The following ING4 variants were observed in gnomAD, a reference collection of about 807,000 sequenced individuals.
ING4 encodes the protein inhibitor of growth protein 4.
In ING4, 28 loss-of-function variants were observed where a neutral mutation model predicts 33.1. The observed-to-expected ratio is 0.85, with a 90% CI of 0.63 to 1.16. The LOEUF (loss-of-function observed/expected upper bound fraction) is 1.16. ING4 is among the 50% of genes most tolerant of loss of function. The pLI is 0.00. For missense variants in ING4, 247 were observed against 314.7 expected, an observed-to-expected ratio of 0.78 and a Z score of 1.63; for synonymous variants, 87 against 104.4, an observed-to-expected ratio of 0.83 and a Z score of 1.02.
chr12:6,656,363 A>G, intron 2 of ING4: 1 of 240,438 alleles, frequency 4.2e-6, no homozygotes, highest in Non-Finnish European at 8.0e-6. Flanking sequence ...TTTAGTAGAG[A>G]TGGGGTTTCA....
intron 2 of ING4, among the ~76,000 whole-genome samples, chr12:6,656,155 ACTTT>A (rs1949344727): frequency 2.0e-5 from 3 of 150,816 alleles, no homozygotes; most frequent in South Asian, 2.1e-4. Flanking sequence ...ACTCGAGTTG[ACTTT>A]CTTTAATTCT....
intron 5 of ING4, 75 bp from the exon 6 acceptor site, chr12:6,652,493 G>A: frequency 2.0e-6 from 3 of 1,526,208 alleles, no homozygotes; most frequent in Non-Finnish European, 2.7e-6. Context: ...GAGGTGGCAG[G>A]AGATCCTGGT....
intron 1 of ING4, 125 bp downstream of exon 1, chr12:6,662,940 C>T: frequency 2.8e-6 from 3 of 1,052,780 alleles, no homozygotes; most frequent in East Asian, 2.6e-5. Flanking sequence ...TCCAATATTT[C>T]CTGCCACAGA....
intron 1 of ING4, chr12:6,657,732 C>G (rs887030813): frequency 1.3e-5 from 2 of 151,636 alleles, no homozygotes; most frequent in African/African-American, 4.8e-5. Context: ...GAGTTCGAGA[C>G]CAGCCTGGCC....
rs1227826385 is a variant in ING4, at chr12:6,651,333, C to G, written c.698G>C (p.Arg233Pro). Reference sequence around the variant, plus strand: ...AACTCCTGCCACTTACCATTTCCCCCGAGGCTTGGTTGTCAGCCCCACACA... The same window carrying G: ...AACTCCTGCCACTTACCATTTCCCCGGAGGCTTGGTTGTCAGCCCCACACA... ...FACVGLTTKP[R>P]GKWFCPRCSQ... The change falls in exon 7 of 8, where the codon CGG (arginine) becomes CCG (proline). Residue 233 changes from arginine (R) to proline (P), a missense_variant. Arg to Pro is a moderately radical substitution (Grantham distance 103, BLOSUM62 -2). Around this residue, in one of 3 missense-constraint regions of ING4, gnomAD observed 38 missense variants for 49.7 expected, o/e 0.77. Coordinates refer to ENST00000341550, the MANE Select transcript of ING4 (RefSeq NM_016162.4). The G allele has an allele frequency of 3.1e-6, 5 of 1,614,166 alleles. No homozygotes were observed. Among genetic ancestry groups the G allele is most frequent in the Admixed American group, 1.7e-5 (1 of 60,018 alleles).
rs1302332654 is a variant in ING4 at position 6,653,399 on chromosome 12, A to G, written c.110-3T>C. 2.5e-6 allele frequency: 4 copies of G among 1,613,204 alleles called. No homozygotes were observed. Among genetic ancestry groups the G allele is most frequent in the Non-Finnish European group, 3.4e-6 (4 of 1,179,566 alleles). On this transcript the variant is annotated splice_polypyrimidine_tract_variant and splice_region_variant and intron_variant, in intron 2 of 7. Transcript: ENST00000341550. ...CTTGTCAATTTCAGCCTTCAGGTCT[A>G]CAACAGAGACAGAGGCCTGGTCACA...
chr12:6,656,318 G>C (rs1313362504), intron 2 of ING4: 3 of 245,130 alleles, frequency 1.2e-5, no homozygotes, highest in African/African-American at 7.1e-5. Flanking sequence ...TGGGATTACT[G>C]GTGCGTGCCA....
Position 6,652,418 on chromosome 12 carries a change from T to C in ING4, c.498A>G (p.Thr166=), listed in dbSNP as rs1255951253. 5 of 1,613,538 alleles carry C rather than the reference T, an allele frequency of 3.1e-6. No homozygotes were observed. In the African/African-American group the frequency reaches 6.7e-5, roughly 22 times the overall value. The change falls in exon 6 of 8, where the codon ACA becomes ACG. Residue 166 remains threonine, a splice_region_variant and synonymous_variant. Transcript: ENST00000341550. ...TAQKKLKLVR[T]SPEYGMPSVT... is the part of the protein sequence containing the mutation. ...CTGAGGGCATCCCATACTCAGGACT[T>C]CTGCATGCCAAGAGGAAGAGAAAGT...
Position 6,652,996 on chromosome 12 carries a change from G to T in ING4, c.331C>A (p.Leu111Ile). The change falls in exon 4 of 8, where the codon CTC (leucine) becomes ATC (isoleucine). Residue 111 changes from leucine (L) to isoleucine (I), a missense_variant. By Grantham distance (5) the Leu-to-Ile change is conservative. Around this residue, in one of 3 missense-constraint regions of ING4, gnomAD observed 198 missense variants for 221.2 expected, o/e 0.89. Coordinates refer to ENST00000341550, the MANE Select transcript of ING4 (RefSeq NM_016162.4). The part of the protein sequence containing the change: ...DTDLARFEAD[L>I]KEKQIESSDY... ...CTTGACTCAATCTGTTTCTCCTTGA[G>T]ATCAGCCTCAAAACGGGCCAGGTCT... The T allele has an allele frequency of 1.9e-6, 3 of 1,614,036 alleles. No homozygotes were observed. In the South Asian group the frequency reaches 3.3e-5, roughly 18 times the overall value.
intron 2 of ING4, among the ~76,000 whole-genome samples, chr12:6,654,787 C>A (rs919046655): frequency 6.7e-6 from 1 of 150,092 alleles, no homozygotes; most frequent in African/African-American, 2.5e-5. Flanking sequence ...TGCAGTGGCA[C>A]GATCTTGGCT....
chr12:6,652,189 C>G, intron 6 of ING4, 82 bp downstream of exon 6: 9 of 1,490,302 alleles, frequency 6.0e-6, no homozygotes, highest in Non-Finnish European at 5.5e-6. Flanking sequence ...AGTCCCAGTA[C>G]TCAACTGTGG....
intron 1 of ING4, among the ~76,000 whole-genome samples, chr12:6,659,812 C>CAAAAAAAAAAAAAAAAAAAA (rs35710003): frequency 1.3e-5 from 1 of 75,094 alleles, no homozygotes; most frequent in Admixed American, 1.5e-4. Flanking sequence ...GACTCTGTCT[C>CAAAAAAAAAAAAAAAAAAAA]AAAAAAAAAA....
rs1227826385 is a variant in ING4 at position 6,651,333 on chromosome 12, C to T, written c.698G>A (p.Arg233Gln). 2.5e-6 allele frequency: 4 copies of T among 1,614,166 alleles called. No homozygotes were observed. The highest frequency in any genetic ancestry group is 3.4e-6 in the Non-Finnish European group (4 of 1,180,024). The change falls in exon 7 of 8, where the codon CGG (arginine) becomes CAG (glutamine). Residue 233 changes from arginine to glutamine, a missense_variant. Arg to Gln is a conservative substitution (Grantham distance 43). Around this residue, in one of 3 missense-constraint regions of ING4, gnomAD observed 38 missense variants for 49.7 expected, o/e 0.77. Transcript: ENST00000341550. ...AACTCCTGCCACTTACCATTTCCCCCGAGGCTTGGTTGTCAGCCCCACACA... is the reference window on the plus strand; with the variant it reads ...AACTCCTGCCACTTACCATTTCCCCTGAGGCTTGGTTGTCAGCCCCACACA... ...FACVGLTTKP[R>Q]GKWFCPRCSQ... is the part of the protein sequence containing the mutation.
chr12:6,658,108 C>T (rs536202701), intron 1 of ING4, among the ~76,000 whole-genome samples: 66 of 151,562 alleles, frequency 4.4e-4, no homozygotes, highest in Non-Finnish European at 7.5e-4. Flanking sequence ...CACAGGCGCG[C>T]GCCACCACAC....
chr12:6,661,120 C>T (rs1212721640), intron 1 of ING4, among the ~76,000 whole-genome samples: 8 of 148,066 alleles, frequency 5.4e-5, no homozygotes, highest in African/African-American at 2.0e-4. Flanking sequence ...TTTTTTGAGG[C>T]GGAGTCTCAC....
chr12:6,658,025 T>TC lies in ING4; in HGVS notation c.38-1228dup, dbSNP rs557570174. Among the ~76,000 whole-genome samples, 376 of 150,378 alleles carry TC rather than the reference T, an allele frequency of 2.5e-3. 2 individuals are homozygous for TC. The highest frequency in any genetic ancestry group is 8.7e-3 in the African/African-American group (359 of 41,130). ...CCCAGGCTGGAGTGCAGTGGCACGA[T>TC]CTTGGCTCACTGCAGCCTCCACCTC... On this transcript the variant is annotated intron_variant, in intron 1 of 7. Coordinates refer to ENST00000341550, the MANE Select transcript of ING4 (RefSeq NM_016162.4).
At chr12:6,655,525 C>T (rs1170110221) in intron 2 of ING4, 1 of 860,486 alleles carries the variant, frequency 1.2e-6, no homozygotes, top group African/African-American at 1.8e-5. Context: ...CACTTCATTC[C>T]AGGCTCTTGG....
At chr12:6,654,224 T>C (rs565883087) in intron 2 of ING4, among the ~76,000 whole-genome samples, 1 of 152,216 alleles carries the variant, frequency 6.6e-6, no homozygotes, top group South Asian at 2.1e-4. Context: ...CAAGTGATTC[T>C]ATCTTTTCGC....
chr12:6,651,913 C>T (rs765335247), intron 6 of ING4, among the ~76,000 whole-genome samples: 8 of 140,686 alleles, frequency 5.7e-5, no homozygotes, highest in South Asian at 2.2e-4. Context: ...AGTGTGGTGG[C>T]GTGATCTCAG....
Sources: allele counts gnomAD v4.1 joint callset (sites outside exome capture counted in the v4.1 genomes callset), GRCh38; gene constraint gnomAD v4.1.1; regional missense constraint gnomAD v4.1.1; transcripts MANE v1.5; gene names NCBI Gene and HGNC (gene_info 2026-07-23, HGNC 2026-07-21).